RASGRF2: variants seen among roughly 807,000 people sequenced by gnomAD.
RASGRF2 encodes the protein Ras protein specific guanine nucleotide releasing factor 2.
Under a neutral mutation model 151.0 loss-of-function variants are expected in RASGRF2, and 76 were observed. The ratio of observed to expected loss-of-function variants is 0.50; its 90% CI spans 0.42 to 0.61. The LOEUF (loss-of-function observed/expected upper bound fraction) is 0.61. RASGRF2 is among the 20% of genes least tolerant of loss of function. The pLI, the probability that RASGRF2 is intolerant of heterozygous loss-of-function variation, is 0.00. For missense variants in RASGRF2, 1,148 were observed against 1,564.6 expected, an observed-to-expected ratio of 0.73 and a Z score of 4.49; for synonymous variants, 504 against 566.5, an observed-to-expected ratio of 0.89 and a Z score of 1.57.
chr5:81,077,113 T>TGGTGGGATCTGGGGATTTA (rs148591410), intron 5 of RASGRF2, among the ~76,000 whole-genome samples: 22 of 152,054 alleles, frequency 1.4e-4, no homozygotes, highest in Non-Finnish European at 2.8e-4. Flanking sequence ...AATAAAAAGG[T>TGGTGGGATCTGGGGATTTA]GGTGGGATCT....
chr5:81,177,524 A>G (rs999063127), intron 17 of RASGRF2, among the ~76,000 whole-genome samples: 7 of 151,472 alleles, frequency 4.6e-5, no homozygotes, highest in African/African-American at 1.7e-4. Context: ...AGTTCATACT[A>G]TGTAGGCTTT....
chr5:81,182,816 C>G (rs1393800060), intron 18 of RASGRF2, among the ~76,000 whole-genome samples: 1 of 152,184 alleles, frequency 6.6e-6, no homozygotes, highest in Non-Finnish European at 1.5e-5. Flanking sequence ...TTCAGAGTAA[C>G]AGCCCATCTT....
At chr5:81,212,134 A>C (rs573892739) in intron 22 of RASGRF2, among the ~76,000 whole-genome samples, 1 of 152,348 alleles carries the variant, frequency 6.6e-6, no homozygotes, top group East Asian at 1.9e-4. Context: ...TTCCCTCAAC[A>C]AGCGGGAATC....
In RASGRF2 at chr5:81,222,042, G is replaced by A. The variant is rs73768047; in HGVS notation, c.3621+2264G>A. Among the ~76,000 whole-genome samples the A allele has an allele frequency of 5.5e-3, 840 of 152,254 alleles. 9 individuals carry two copies. Among genetic ancestry groups the A allele is most frequent in the African/African-American group, 0.019 (769 of 41,550 alleles). On this transcript the variant is annotated intron_variant, in intron 26 of 26. Coordinates refer to ENST00000265080, the MANE Select transcript of RASGRF2 (RefSeq NM_006909.3). Reference sequence around the variant, plus strand: ...GACTCATCTTTTATATTTTGCCCCCGTCCTAGTTTCAGATATTTCTGCCAA... The same window carrying A: ...GACTCATCTTTTATATTTTGCCCCCATCCTAGTTTCAGATATTTCTGCCAA...
intron 1 of RASGRF2, among the ~76,000 whole-genome samples, chr5:80,963,087 G>C (rs1747615612): frequency 6.6e-6 from 1 of 152,206 alleles, no homozygotes; most frequent in South Asian, 2.1e-4. Flanking sequence ...ACTGCCAACT[G>C]GGTGTGTTTG....
intron 17 of RASGRF2, among the ~76,000 whole-genome samples, chr5:81,179,261 G>A (rs577169669): frequency 3.7e-4 from 57 of 152,308 alleles, no homozygotes; most frequent in African/African-American, 1.3e-3. Flanking sequence ...ATTTGTAATC[G>A]TAGCTAACAT....
chr5:80,999,981 C>T (rs1749026375), intron 1 of RASGRF2, among the ~76,000 whole-genome samples: 1 of 152,152 alleles, frequency 6.6e-6, no homozygotes, highest in Non-Finnish European at 1.5e-5. Context: ...ATGGGGAGGT[C>T]TCTTCTGTGT....
At chr5:80,992,199 G>C (rs370824164) in intron 1 of RASGRF2, among the ~76,000 whole-genome samples, 155 of 21,212 alleles carry the variant, frequency 7.3e-3, no homozygotes, top group African/African-American at 0.018. Context: ...CACACACACA[G>C]AGACAAGAGA....
chr5:81,108,882 A>C (rs879197556), intron 12 of RASGRF2, 114 bp from the exon 13 acceptor site: 48 of 682,280 alleles, frequency 7.0e-5, no homozygotes, highest in East Asian at 2.1e-4. Flanking sequence ...GTGTGTGTGT[A>C]AGAGACAGGG....
intron 17 of RASGRF2, among the ~76,000 whole-genome samples, chr5:81,129,428 T>A (rs574021086): frequency 1.3e-5 from 2 of 152,168 alleles, no homozygotes; most frequent in African/African-American, 4.8e-5. Context: ...ACCATAGTAC[T>A]TTATATATTA....
chr5:81,059,148 C>G (rs1751330229), intron 2 of RASGRF2, among the ~76,000 whole-genome samples: 1 of 152,020 alleles, frequency 6.6e-6, no homozygotes, highest in Non-Finnish European at 1.5e-5. Context: ...CTTTGGGAGG[C>G]TGAAGCCGGT....
intron 1 of RASGRF2, among the ~76,000 whole-genome samples, chr5:81,042,602 T>G (rs1174446762): frequency 2.6e-5 from 4 of 152,198 alleles, no homozygotes; most frequent in Non-Finnish European, 5.9e-5. Flanking sequence ...GCCGAATTTG[T>G]GCAATATTCT....
chr5:81,032,519 C>T (rs1381634810), intron 1 of RASGRF2, among the ~76,000 whole-genome samples: 2 of 152,138 alleles, frequency 1.3e-5, no homozygotes, highest in African/African-American at 2.4e-5. Flanking sequence ...CGTAATCCAG[C>T]ATATAAACAG....
intron 1 of RASGRF2, among the ~76,000 whole-genome samples, chr5:81,033,886 T>C (rs1750365326): frequency 6.6e-6 from 1 of 152,294 alleles, no homozygotes; most frequent in African/African-American, 2.4e-5. Context: ...AGAAAATTTT[T>C]ACAATCTACC....
intron 1 of RASGRF2, among the ~76,000 whole-genome samples, chr5:80,988,008 C>CGT (rs58750663): frequency 0.17 from 23,361 of 139,174 alleles, 2,262 homozygotes; most frequent in Middle Eastern, 0.29. Context: ...AATAAATGTG[C>CGT]GTGTGTGTGT....
intron 2 of RASGRF2, among the ~76,000 whole-genome samples, chr5:81,051,301 A>C (rs1751002362): frequency 6.6e-6 from 1 of 152,160 alleles, no homozygotes; most frequent in Non-Finnish European, 1.5e-5. Context: ...AAGTTGTTCT[A>C]TTGCTTTTTA....
intron 17 of RASGRF2, among the ~76,000 whole-genome samples, chr5:81,136,602 C>A (rs1318144602): frequency 2.0e-5 from 3 of 152,112 alleles, no homozygotes; most frequent in East Asian, 3.9e-4. Flanking sequence ...ATGTGATTGT[C>A]TTGGTATTTA....
At chr5:81,090,044 T>C (rs190646186) in intron 9 of RASGRF2, among the ~76,000 whole-genome samples, 1 of 152,306 alleles carries the variant, frequency 6.6e-6, no homozygotes, top group East Asian at 1.9e-4. Context: ...GAAATATAGG[T>C]GACTGAATAC....
intron 12 of RASGRF2, among the ~76,000 whole-genome samples, chr5:81,101,329 A>C (rs902560312): frequency 6.6e-6 from 1 of 152,226 alleles, no homozygotes; most frequent in Non-Finnish European, 1.5e-5. Flanking sequence ...ACACACTCAC[A>C]TATACCAATT....
Sources: gnomAD v4.1 joint callset for allele counts (sites outside exome capture counted in the v4.1 genomes callset) on GRCh38, gnomAD v4.1.1 for gene constraint, MANE v1.5 for transcripts, NCBI Gene and HGNC (gene_info 2026-07-23, HGNC 2026-07-21) for gene names.